Variants in IL1RAPL1 observed in about 807,000 individuals in gnomAD.
IL1RAPL1 encodes interleukin 1 receptor accessory protein like 1.
In IL1RAPL1, 3 loss-of-function variants were observed where a neutral mutation model predicts 48.4. The ratio of observed to expected loss-of-function variants is 0.06; its 90% CI spans 0.03 to 0.16. The LOEUF is 0.16. Among genes scored for constraint, IL1RAPL1 ranks in the 10% least tolerant of loss-of-function variants. IL1RAPL1 has a pLI of 1.00. For synonymous variants in IL1RAPL1, 185 were observed against 187.7 expected, an observed-to-expected ratio of 0.99 and a Z score of 0.12; for missense variants, 349 against 530.6, an observed-to-expected ratio of 0.66 and a Z score of 3.36.
chrX:29,680,422 A>C (rs1028253584), intron 6 of IL1RAPL1, among the ~76,000 whole-genome samples: 1 of 111,177 alleles, frequency 9.0e-6, no homozygotes, highest in African/African-American at 3.3e-5. Context: ...AGAATGAGAT[A>C]CAGATCTAAA....
At chrX:28,904,937 G>GCTT (rs1187419212) in intron 2 of IL1RAPL1, among the ~76,000 whole-genome samples, 1 of 111,414 alleles carries the variant, frequency 9.0e-6, no homozygotes, top group Non-Finnish European at 1.9e-5. Flanking sequence ...GAGAATAAAA[G>GCTT]CTTTTCTAAG....
intron 2 of IL1RAPL1, among the ~76,000 whole-genome samples, chrX:29,092,636 T>A (rs1928116272): frequency 8.9e-6 from 1 of 112,073 alleles, no homozygotes; most frequent in African/African-American, 3.2e-5. Context: ...ATTAATATAA[T>A]AAACCATTAT....
intron 3 of IL1RAPL1, among the ~76,000 whole-genome samples, chrX:29,358,346 T>C (rs1933331712): frequency 2.7e-5 from 3 of 110,428 alleles, no homozygotes; most frequent in Admixed American, 9.8e-5. Context: ...GAAGAAATCA[T>C]GGGCAAGAAA....
At chrX:29,778,504 C>T (rs998688347) in intron 6 of IL1RAPL1, among the ~76,000 whole-genome samples, 6 of 111,912 alleles carry the variant, frequency 5.4e-5, no homozygotes, top group African/African-American at 1.6e-4. Flanking sequence ...TCCAATCTAC[C>T]GCAGTCCCTG....
intron 6 of IL1RAPL1, among the ~76,000 whole-genome samples, chrX:29,815,320 A>G (rs1297959109): frequency 9.0e-6 from 1 of 111,394 alleles, no homozygotes; most frequent in Admixed American, 9.5e-5. Context: ...GTATTCCTAC[A>G]TATTTTATTT....
At chrX:29,583,969 T>G (rs186182853) in intron 5 of IL1RAPL1, among the ~76,000 whole-genome samples, 34 of 111,511 alleles carry the variant, frequency 3.0e-4, no homozygotes, top group African/African-American at 1.1e-3. Context: ...CTTTCTAGTT[T>G]CCTTTGCCTT....
intron 1 of IL1RAPL1, among the ~76,000 whole-genome samples, chrX:28,662,943 G>A (rs561746506): frequency 2.7e-4 from 30 of 111,524 alleles, no homozygotes; most frequent in East Asian, 1.1e-3. Flanking sequence ...ATGTGGCAGC[G>A]TCACAATTTA....
chrX:29,554,721 C>T (rs997880904), intron 5 of IL1RAPL1, among the ~76,000 whole-genome samples: 2 of 111,368 alleles, frequency 1.8e-5, no homozygotes, highest in Non-Finnish European at 3.8e-5. Flanking sequence ...TAATGTCCCT[C>T]TAATATACAG....
chrX:29,009,845 C>CG (rs1926082479), intron 2 of IL1RAPL1, among the ~76,000 whole-genome samples: 1 of 111,858 alleles, frequency 8.9e-6, no homozygotes, highest in Non-Finnish European at 1.9e-5. Flanking sequence ...TTGCTTTGGG[C>CG]AGTATGGCCA....
At chrX:29,453,043 A>G (rs764649546) in intron 5 of IL1RAPL1, among the ~76,000 whole-genome samples, 3 of 103,408 alleles carry the variant, frequency 2.9e-5, no homozygotes, top group South Asian at 4.6e-4. Context: ...TCCTGCCTCA[A>G]CCTCTCAAGT....
intron 6 of IL1RAPL1, among the ~76,000 whole-genome samples, chrX:29,885,501 A>G (rs1453256098): frequency 9.0e-6 from 1 of 111,431 alleles, no homozygotes; most frequent in African/African-American, 3.3e-5. Context: ...CTCAGTGAAC[A>G]TCAGAACTAT....
At chrX:28,869,191 T>TTG (rs1323486749) in intron 2 of IL1RAPL1, among the ~76,000 whole-genome samples, 3 of 112,452 alleles carry the variant, frequency 2.7e-5, no homozygotes, top group African/African-American at 6.4e-5. Context: ...AGTGTTATTT[T>TTG]TGTGTGTGTG....
chrX:29,618,343 T>G (rs897128588), intron 5 of IL1RAPL1, among the ~76,000 whole-genome samples: 1 of 111,810 alleles, frequency 8.9e-6, no homozygotes, highest in Non-Finnish European at 1.9e-5. Context: ...GATAATATTT[T>G]TCATGTAATC....
At position 29,914,278 on chromosome X, in the gene IL1RAPL1, TATGAAAAATAAAA is replaced by T. The variant is rs779737819; in HGVS notation, c.779-3185_779-3173del. On this transcript the variant is annotated intron_variant, in intron 6 of 10. Transcript: ENST00000378993. ...AAAGAAAAGAAATGAATTATAAAAT[TATGAAAAATAAAA>T]GTGAATAAAAATGAATTTCACAGTT... Among the ~76,000 whole-genome samples, 15 of 112,075 alleles carry T rather than the reference TATGAAAAATAAAA, an allele frequency of 1.3e-4. No individual in the cohort carries two copies. In the East Asian group the frequency reaches 4.2e-3, roughly 31 times the overall value.
chrX:29,294,208 C>G (rs1932413562), intron 3 of IL1RAPL1, among the ~76,000 whole-genome samples: 1 of 110,667 alleles, frequency 9.0e-6, no homozygotes, highest in Non-Finnish European at 1.9e-5. Context: ...TTCAGGAAGA[C>G]TACTACAAGA....
intron 6 of IL1RAPL1, among the ~76,000 whole-genome samples, chrX:29,737,023 C>T (rs768100491): frequency 4.5e-5 from 5 of 111,732 alleles, no homozygotes; most frequent in Non-Finnish European, 9.4e-5. Flanking sequence ...GAAAAATGCC[C>T]AGTGTGATCA....
At chrX:29,878,225 T>G (rs1215843944) in intron 6 of IL1RAPL1, among the ~76,000 whole-genome samples, 1 of 111,288 alleles carries the variant, frequency 9.0e-6, no homozygotes, top group Non-Finnish European at 1.9e-5. Flanking sequence ...CTGCACAAAC[T>G]TAAGCTTAAA....
At chrX:29,648,070 T>C (rs1413817711) in intron 5 of IL1RAPL1, among the ~76,000 whole-genome samples, 1 of 111,797 alleles carries the variant, frequency 8.9e-6, no homozygotes, top group African/African-American at 3.2e-5. Flanking sequence ...TATATAATGA[T>C]AAAGGGGCCA....
chrX:28,877,912 A>G (rs1007440487), intron 2 of IL1RAPL1, among the ~76,000 whole-genome samples: 4 of 112,431 alleles, frequency 3.6e-5, no homozygotes, highest in Admixed American at 1.9e-4. Context: ...AAGACTGTCA[A>G]ATAAATATTA....
Sources: allele counts gnomAD v4.1 joint callset (sites outside exome capture counted in the v4.1 genomes callset), GRCh38; gene constraint gnomAD v4.1.1; transcripts MANE v1.5; gene names NCBI Gene and HGNC (gene_info 2026-07-23, HGNC 2026-07-21).